HEXA: variants seen among roughly 807,000 people sequenced by gnomAD.
HEXA encodes the protein hexosaminidase subunit alpha.
A neutral mutation model predicts 73.3 loss-of-function variants in HEXA; 54 were observed. The ratio of observed to expected loss-of-function variants is 0.74; its 90% CI spans 0.59 to 0.92. The LOEUF (loss-of-function observed/expected upper bound fraction) is 0.92. Ranked by LOEUF, HEXA falls within the 40% of genes least tolerant of loss-of-function variation. The pLI, the probability that HEXA is intolerant of heterozygous loss-of-function variation, is 0.00. For missense variants in HEXA, 649 were observed against 653.0 expected, an observed-to-expected ratio of 0.99 and a Z score of 0.07; for synonymous variants, 230 against 246.9, an observed-to-expected ratio of 0.93 and a Z score of 0.64.
intron 1 of HEXA, chr15:72,357,657 G>T (rs2088803034): frequency 6.6e-6 from 1 of 152,290 alleles, no homozygotes. Flanking sequence ...CAATGTCAGG[G>T]ATAGGATGGC....
chr15:72,343,525 AG>A lies in HEXA; in HGVS notation c.*551del. On this transcript the variant is annotated 3_prime_UTR_variant, in exon 14 of 14. Transcript: ENST00000268097. ...ACCCAAAGGAGAATAGCTCTAGGGG[AG>A]GGAGGTGGATGAGTATGCATGGGGG... The A allele has an allele frequency of 6.4e-6, 1 of 156,846 alleles. No individual in the cohort carries two copies. Among genetic ancestry groups the A allele is most frequent in the East Asian group, 1.9e-4 (1 of 5,346 alleles). 9.7% of individuals were successfully genotyped at this position (156,846 alleles called of 1,614,324 possible).
At chr15:72,356,787 C>T (rs1239483232) in intron 1 of HEXA, 170 bp from the exon 2 acceptor site, 35 of 975,364 alleles carry the variant, frequency 3.6e-5, no homozygotes, top group Non-Finnish European at 5.2e-5. Context: ...AGCTGTCTCA[C>T]TCTCGTTGTG....
At chr15:72,374,008 CAAAAA>C (rs550464062) in intron 1 of HEXA, among the ~76,000 whole-genome samples, 1 of 68,216 alleles carries the variant, frequency 1.5e-5, no homozygotes. Context: ...GACTCCGTCT[CAAAAA>C]AAAAAAAAAA....
At chr15:72,355,712 T>TA (rs202176666) in intron 2 of HEXA, 88 bp from the exon 3 acceptor site, 50,429 of 588,674 alleles carry the variant, frequency 0.086, 5 homozygotes, top group East Asian at 0.1. Flanking sequence ...ATCACTGGAC[T>TA]AAAAAAAAAA....
intron 13 of HEXA, among the ~76,000 whole-genome samples, chr15:72,344,872 G>A (rs543663684): frequency 6.6e-6 from 1 of 152,346 alleles, no homozygotes; most frequent in South Asian, 2.1e-4. Flanking sequence ...AAGGTGTCAT[G>A]ACATCCTGTA....
At chr15:72,360,294 C>T (rs145010470) in intron 1 of HEXA, 1 of 152,924 alleles carries the variant, frequency 6.5e-6, no homozygotes, top group African/African-American at 2.4e-5. Flanking sequence ...GCCCTTGATG[C>T]TACCCTGAAA....
intron 1 of HEXA, chr15:72,362,405 C>T (rs1225052518): frequency 8.8e-6 from 4 of 455,074 alleles, no homozygotes; most frequent in Admixed American, 7.1e-5. Context: ...ACAGGAGGGA[C>T]CAATCTCAGT....
chr15:72,347,463 G>T (rs1245472643), intron 10 of HEXA, among the ~76,000 whole-genome samples: 2 of 151,744 alleles, frequency 1.3e-5, no homozygotes, highest in African/African-American at 4.8e-5. Flanking sequence ...GAACTCCTAG[G>T]CTCAAGCAAT....
chr15:72,351,237 G>A lies in HEXA; in HGVS notation c.571-3C>T. The stretch of plus-strand genomic sequence containing the variant: ...AATTTATTGTACGCCATGACATCCT[G>A]TAGGTTAAAGTGCACACTGTGAACC... On this transcript the variant is annotated splice_polypyrimidine_tract_variant and splice_region_variant and intron_variant, in intron 5 of 13. Transcript: ENST00000268097. The A allele has an allele frequency of 1.9e-6, 3 of 1,575,582 alleles. No individual in the cohort carries two copies. Among genetic ancestry groups the A allele is most frequent in the Non-Finnish European group, 1.7e-6 (2 of 1,144,856 alleles).
At chr15:72,348,575 C>T (rs1413212366) in intron 8 of HEXA, among the ~76,000 whole-genome samples, 4 of 152,192 alleles carry the variant, frequency 2.6e-5, no homozygotes, top group African/African-American at 9.6e-5. Flanking sequence ...GGAATATTTT[C>T]CCCTGCTCAC....
At chr15:72,359,948 T>C (rs1228824367) in intron 1 of HEXA, 1 of 152,152 alleles carries the variant, frequency 6.6e-6, no homozygotes, top group Non-Finnish European at 1.5e-5. Flanking sequence ...AAGGACGCTC[T>C]ATCACCAAAG....
intron 1 of HEXA, chr15:72,370,045 T>G (rs2088968581): frequency 6.6e-6 from 1 of 150,454 alleles, no homozygotes; most frequent in Non-Finnish European, 1.5e-5. Context: ...GAAAAAACAT[T>G]CATAACTATT....
chr15:72,350,171 G>A, intron 7 of HEXA: 1 of 370,448 alleles, frequency 2.7e-6, no homozygotes, highest in Admixed American at 3.8e-5. Context: ...AGGGAGCAGG[G>A]GTACTGACTG....
intron 1 of HEXA, among the ~76,000 whole-genome samples, chr15:72,373,750 G>C (rs1225849838): frequency 6.6e-6 from 1 of 152,100 alleles, no homozygotes; most frequent in African/African-American, 2.4e-5. Context: ...TGTAATCTCA[G>C]CACTTTGGGA....
intron 1 of HEXA, among the ~76,000 whole-genome samples, chr15:72,374,667 G>A (rs28572383): frequency 6.6e-6 from 1 of 152,160 alleles, no homozygotes; most frequent in African/African-American, 2.4e-5. Context: ...CCATGCAGCA[G>A]AATTGTATTC....
At chr15:72,366,927 T>G (rs571780236) in intron 1 of HEXA, among the ~76,000 whole-genome samples, 1 of 152,176 alleles carries the variant, frequency 6.6e-6, no homozygotes, top group Non-Finnish European at 1.5e-5. Flanking sequence ...TCTCAACCTC[T>G]TAATTTCACT....
At position 72,367,042 on chromosome 15, in the gene HEXA, C is replaced by T. The variant is rs2140337119; in HGVS notation, c.253+8678G>A. Among the ~76,000 whole-genome samples, 3 of 152,224 alleles carry T rather than the reference C, an allele frequency of 2.0e-5. No homozygotes were observed. In the East Asian group the frequency reaches 5.8e-4, roughly 29 times the overall value. On this transcript the variant is annotated intron_variant, in intron 1 of 13. Transcript: ENST00000268097. ...CACTGCAACCTCCACCTCCTGGATT[C>T]AAGCGATTCTGCTGCCTCAGCCTCC...
Position 72,350,117 on chromosome 15 carries a change from T to A in HEXA, c.805+401A>T, listed in dbSNP as rs1234372595. Reference sequence around the variant, plus strand: ...AGCCCTTTTCAACTGTCATTTAACCTGTGTTGGGGGCTCACACTGGAGGGC... The same window carrying A: ...AGCCCTTTTCAACTGTCATTTAACCAGTGTTGGGGGCTCACACTGGAGGGC... On this transcript the variant is annotated intron_variant, in intron 7 of 13. Transcript: ENST00000268097. 8 of 287,776 alleles carry A rather than the reference T, an allele frequency of 2.8e-5. No homozygotes were observed. The Admixed American group carries it at 3.8e-4, about 14-fold the overall frequency. The allele number at this position is 287,776 out of a possible 1,614,324, so 17.8% of individuals were successfully genotyped here. A position where few individuals can be genotyped will look rare whatever the true frequency, so the allele number is the denominator to read the frequency against.
intron 8 of HEXA, among the ~76,000 whole-genome samples, chr15:72,348,537 C>T (rs925539521): frequency 6.6e-6 from 1 of 152,214 alleles, no homozygotes; most frequent in African/African-American, 2.4e-5. Flanking sequence ...TTATGACGTC[C>T]ACATTTTGCT....
Sources: allele counts gnomAD v4.1 joint callset (sites outside exome capture counted in the v4.1 genomes callset), GRCh38; gene constraint gnomAD v4.1.1; transcripts MANE v1.5; gene names NCBI Gene and HGNC (gene_info 2026-07-23, HGNC 2026-07-21).